The following BCR variants were observed in gnomAD, a reference collection of about 807,000 sequenced individuals.
The protein encoded by BCR is BCR activator of RhoGEF and GTPase, also known as breakpoint cluster region protein.
A neutral mutation model predicts 138.6 loss-of-function variants in BCR; 58 were observed. The ratio of observed to expected loss-of-function variants is 0.42; its 90% CI spans 0.34 to 0.52. BCR has a LOEUF of 0.52. Among genes scored for constraint, BCR ranks in the 20% least tolerant of loss-of-function variants. BCR has a pLI of 0.06. For missense variants in BCR, 1,599 were observed against 1,727.2 expected (o/e 0.93, Z 1.32); for synonymous variants, 786 against 730.1 (o/e 1.08, Z -1.23).
intron 16 of BCR, among the ~76,000 whole-genome samples, chr22:23,303,341 T>C (rs947263000): frequency 1.3e-4 from 20 of 152,054 alleles, no homozygotes; most frequent in Admixed American, 7.9e-4. Flanking sequence ...GGAGGAGGTA[T>C]GGTCAGGTAA....
chr22:23,280,402 A>G (rs2073630227), intron 8 of BCR, among the ~76,000 whole-genome samples: 1 of 152,080 alleles, frequency 6.6e-6, no homozygotes, highest in African/African-American at 2.4e-5. Flanking sequence ...TGTGTGTAGA[A>G]ATCAGGGTTA....
intron 1 of BCR, among the ~76,000 whole-genome samples, chr22:23,188,930 G>A (rs1051241704): frequency 3.9e-5 from 6 of 152,048 alleles, no homozygotes; most frequent in Admixed American, 3.9e-4. Flanking sequence ...GCAGTGGCAC[G>A]ATCTAGGCTC....
chr22:23,202,537 C>T (rs918239193), intron 1 of BCR, among the ~76,000 whole-genome samples: 4 of 152,140 alleles, frequency 2.6e-5, no homozygotes, highest in Admixed American at 2.6e-4. Flanking sequence ...CACGCCCAGT[C>T]CCTGTAACCA....
At chr22:23,259,709 G>T (rs534522773) in intron 2 of BCR, among the ~76,000 whole-genome samples, 1 of 152,080 alleles carries the variant, frequency 6.6e-6, no homozygotes, top group Admixed American at 6.6e-5. Flanking sequence ...TAGAGACGGG[G>T]TTTCACCATG....
intron 16 of BCR, among the ~76,000 whole-genome samples, chr22:23,305,597 C>G (rs915160615): frequency 6.6e-6 from 1 of 152,240 alleles, no homozygotes; most frequent in African/African-American, 2.4e-5. Flanking sequence ...CGGCCTCCCT[C>G]AGCCCCCACC....
At chr22:23,213,436 GC>G (rs2146222649) in intron 1 of BCR, among the ~76,000 whole-genome samples, 1 of 152,334 alleles carries the variant, frequency 6.6e-6, no homozygotes, top group Admixed American at 6.5e-5. Flanking sequence ...CCGGAGGGAC[GC>G]TGAGCCAGGT....
In BCR at chr22:23,252,212, A is replaced by T. The variant is rs550818527; in HGVS notation, c.1280-1587A>T. On this transcript the variant is annotated intron_variant, in intron 1 of 22. Transcript: ENST00000305877. ...GCCAGAAGCTGGGCCAGACTGGGGGATGGGGGAACCTGTAGCCCCAGTTCC... is the reference window on the plus strand; with the variant it reads ...GCCAGAAGCTGGGCCAGACTGGGGGTTGGGGGAACCTGTAGCCCCAGTTCC... 2.6e-5 allele frequency among the ~76,000 whole-genome samples: 4 copies of T among 152,026 alleles called. No individual in the cohort carries two copies. The South Asian group carries it at 8.3e-4, about 32-fold the overall frequency.
At chr22:23,231,680 G>C (rs6003579) in intron 1 of BCR, among the ~76,000 whole-genome samples, 90,464 of 152,032 alleles carry the variant, frequency 0.6, 27,730 homozygotes, top group African/African-American at 0.74. Flanking sequence ...TTGTGTGGAG[G>C]AGGCATGGAA....
At chr22:23,198,056 G>C (rs529947324) in intron 1 of BCR, among the ~76,000 whole-genome samples, 2 of 152,230 alleles carry the variant, frequency 1.3e-5, no homozygotes, top group African/African-American at 4.8e-5. Context: ...TCCTGGGGGA[G>C]GTCACGTGAG....
intron 1 of BCR, among the ~76,000 whole-genome samples, chr22:23,248,024 A>C (rs1439917016): frequency 6.6e-6 from 1 of 152,154 alleles, no homozygotes; most frequent in Non-Finnish European, 1.5e-5. Flanking sequence ...ATGGGTGTGC[A>C]AATATGTCTT....
chr22:23,220,943 C>T (rs535099748), intron 1 of BCR, among the ~76,000 whole-genome samples: 19 of 152,272 alleles, frequency 1.2e-4, no homozygotes, highest in African/African-American at 4.1e-4. Context: ...GCTCTCACGT[C>T]GTTGCCTCTT....
chr22:23,255,933 A>G (rs1190135499), intron 2 of BCR, among the ~76,000 whole-genome samples: 1 of 152,194 alleles, frequency 6.6e-6, no homozygotes, highest in Non-Finnish European at 1.5e-5. Flanking sequence ...AGGGGATTTG[A>G]TTGGAGGAGA....
intron 22 of BCR, 69 bp downstream of exon 22, chr22:23,314,783 C>A (rs1387200568): frequency 1.3e-5 from 21 of 1,556,692 alleles, no homozygotes; most frequent in Non-Finnish European, 1.9e-5. Flanking sequence ...TGCCCCACCC[C>A]CAGTCCTGCC....
At chr22:23,210,763 T>C (rs8141268) in intron 1 of BCR, among the ~76,000 whole-genome samples, 10,225 of 152,240 alleles carry the variant, frequency 0.067, 1,144 homozygotes, top group African/African-American at 0.23. Context: ...GCTCTGGCTT[T>C]TTTCACTTTG....
At chr22:23,249,157 C>T (rs1037062217) in intron 1 of BCR, among the ~76,000 whole-genome samples, 1 of 151,286 alleles carries the variant, frequency 6.6e-6, no homozygotes, top group South Asian at 2.1e-4. Context: ...AGGCCAGGCA[C>T]GGTGGCTCAC....
At position 23,289,731 on chromosome 22, in the gene BCR, G is replaced by T. The variant is rs891362192; in HGVS notation, c.2707+110G>T. 2.5e-5 allele frequency: 23 copies of T among 927,962 alleles called. No individual in the cohort carries two copies. The Admixed American group carries it at 2.9e-4, about 12-fold the overall frequency. The allele number at this position is 927,962 out of a possible 1,614,324, so 57.5% of individuals were successfully genotyped here. A position where few individuals can be genotyped will look rare whatever the true frequency, so the allele number is the denominator to read the frequency against. On this transcript the variant is annotated intron_variant, in intron 13 of 22. Transcript: ENST00000305877. ...ACTTTTGATGGGACTAGTGGACTTT[G>T]GTTCAGAAGGAAGAGCTATGCTTGT...
At chr22:23,253,588 T>G (rs1276364275) in intron 1 of BCR, among the ~76,000 whole-genome samples, 2 of 152,128 alleles carry the variant, frequency 1.3e-5, no homozygotes, top group Non-Finnish European at 2.9e-5. Context: ...AGAAAGCCCC[T>G]TGTATTGTCT....
At chr22:23,247,590 C>T (rs574778626) in intron 1 of BCR, among the ~76,000 whole-genome samples, 1 of 152,260 alleles carries the variant, frequency 6.6e-6, no homozygotes, top group Admixed American at 6.5e-5. Context: ...GGGCTGGGTT[C>T]CTGGAACCCC....
intron 1 of BCR, among the ~76,000 whole-genome samples, chr22:23,226,017 C>T (rs563255586): frequency 2.0e-5 from 3 of 152,358 alleles, no homozygotes; most frequent in Admixed American, 6.5e-5. Flanking sequence ...CCTCCTGTGC[C>T]CACATCCGGC....
Sources: allele counts gnomAD v4.1 joint callset (sites outside exome capture counted in the v4.1 genomes callset), GRCh38; gene constraint gnomAD v4.1.1; transcripts MANE v1.5; gene names NCBI Gene and HGNC (gene_info 2026-07-23, HGNC 2026-07-21).